The following PCDH9 variants were observed in gnomAD, a reference collection of about 807,000 sequenced individuals.
PCDH9 encodes the protein protocadherin-9.
Under a neutral mutation model 70.6 loss-of-function variants are expected in PCDH9, and 24 were observed. That is an observed-to-expected ratio of 0.34 (90% CI 0.25 to 0.48). The LOEUF is 0.48. Ranked by LOEUF, PCDH9 falls within the 20% of genes least tolerant of loss-of-function variation. The pLI is 0.99. For synonymous variants in PCDH9, 562 were observed against 558.5 expected, an observed-to-expected ratio of 1.01 and a Z score of -0.09; for missense variants, 1,281 against 1,503.6, an observed-to-expected ratio of 0.85 and a Z score of 2.45.
intron 3 of PCDH9, among the ~76,000 whole-genome samples, chr13:66,792,062 A>G (rs565230449): frequency 4.6e-5 from 7 of 152,334 alleles, no homozygotes; most frequent in African/African-American, 1.7e-4. Flanking sequence ...ATTTCAATTC[A>G]CGAAATTCCA....
chr13:66,545,666 G>T (rs1961153937), intron 4 of PCDH9, among the ~76,000 whole-genome samples: 2 of 152,050 alleles, frequency 1.3e-5, no homozygotes. Context: ...TGTTTGTGAT[G>T]ATGTTGGCGT....
At chr13:66,499,272 T>C (rs1379272574) in intron 4 of PCDH9, among the ~76,000 whole-genome samples, 1 of 152,134 alleles carries the variant, frequency 6.6e-6, no homozygotes, top group African/African-American at 2.4e-5. Context: ...CTTTCCTTTA[T>C]ATTAAATCTT....
chr13:66,591,806 A>AG (rs1295510128), intron 4 of PCDH9, among the ~76,000 whole-genome samples: 4 of 151,472 alleles, frequency 2.6e-5, no homozygotes, highest in African/African-American at 4.8e-5. Context: ...GCAGGTTGGG[A>AG]GGGGGGGCTC....
chr13:66,881,361 T>C (rs764788405), intron 3 of PCDH9, among the ~76,000 whole-genome samples: 1 of 152,180 alleles, frequency 6.6e-6, no homozygotes, highest in Non-Finnish European at 1.5e-5. Context: ...AGTCACATCT[T>C]ACATGGATGG....
chr13:66,899,137 G>A (rs1255665446), intron 3 of PCDH9, among the ~76,000 whole-genome samples: 1 of 151,942 alleles, frequency 6.6e-6, no homozygotes, highest in Non-Finnish European at 1.5e-5. Context: ...TGAAACCAAT[G>A]GTTATTTCAC....
chr13:67,030,827 G>A (rs531819807), intron 2 of PCDH9, among the ~76,000 whole-genome samples: 16 of 152,162 alleles, frequency 1.1e-4, no homozygotes, highest in African/African-American at 3.9e-4. Flanking sequence ...TGACTATAAA[G>A]TAAAAAGTAG....
chr13:66,454,993 T>TA (rs1481574071), intron 4 of PCDH9, among the ~76,000 whole-genome samples: 2 of 151,994 alleles, frequency 1.3e-5, no homozygotes, highest in South Asian at 2.1e-4. Context: ...AAGCATTTTA[T>TA]AAAAAAAATT....
intron 4 of PCDH9, among the ~76,000 whole-genome samples, chr13:66,547,396 T>C (rs186624131): frequency 6.6e-5 from 10 of 152,332 alleles, no homozygotes; most frequent in African/African-American, 2.4e-4. Flanking sequence ...CAACAGAGTC[T>C]ATAAGGCAAT....
chr13:66,979,303 A>G lies in PCDH9; in HGVS notation c.3037-75698T>C, dbSNP rs149631776. Reference sequence around the variant, plus strand: ...ACTGAATGCCCTTGTATAAATTCCAATGAAACCTTGCATCACATTTCATTG... The same window carrying G: ...ACTGAATGCCCTTGTATAAATTCCAGTGAAACCTTGCATCACATTTCATTG... On this transcript the variant is annotated intron_variant, in intron 2 of 4. Transcript: ENST00000377865. Among the ~76,000 whole-genome samples the G allele has an allele frequency of 5.6e-3, 848 of 152,286 alleles. 7 individuals carry two copies. The highest frequency in any genetic ancestry group is 9.2e-3 in the Admixed American group (141 of 15,278).
At chr13:66,458,554 T>G (rs1025973038) in intron 4 of PCDH9, among the ~76,000 whole-genome samples, 1 of 151,996 alleles carries the variant, frequency 6.6e-6, no homozygotes, top group African/African-American at 2.4e-5. Context: ...TCTCTCTCCA[T>G]CCTTTCCAAA....
chr13:66,980,742 G>GTTTTTTTTTTTTTTTT (rs550869529), intron 2 of PCDH9, among the ~76,000 whole-genome samples: 6 of 107,372 alleles, frequency 5.6e-5, no homozygotes, highest in Non-Finnish European at 7.3e-5. Flanking sequence ...TTTTTTTTTT[G>GTTTTTTTTTTTTTTTT]TTTTTTTTTT....
chr13:66,935,266 G>A (rs1286972516), intron 2 of PCDH9, among the ~76,000 whole-genome samples: 3 of 151,936 alleles, frequency 2.0e-5, no homozygotes, highest in African/African-American at 7.3e-5. Flanking sequence ...GTTTGGCCTA[G>A]GCAGGTCTTG....
chr13:66,594,843 A>G (rs1469046895), intron 4 of PCDH9, among the ~76,000 whole-genome samples: 1 of 151,670 alleles, frequency 6.6e-6, no homozygotes, highest in Non-Finnish European at 1.5e-5. Flanking sequence ...GTTCCTTTTT[A>G]TGGCTGCATA....
At chr13:66,441,778 G>A (rs912875950) in intron 4 of PCDH9, among the ~76,000 whole-genome samples, 2 of 151,844 alleles carry the variant, frequency 1.3e-5, no homozygotes, top group African/African-American at 4.8e-5. Context: ...ATAATTCTTG[G>A]TTAATAAAGA....
chr13:66,491,385 T>TTGTGTGTGTGTGTGTGTG (rs71106974), intron 4 of PCDH9, among the ~76,000 whole-genome samples: 17,204 of 135,718 alleles, frequency 0.13, 1,477 homozygotes, highest in East Asian at 0.23. Context: ...GCAGGAGATA[T>TTGTGTGTGTGTGTGTGTG]TGTGTGTGTG....
intron 4 of PCDH9, among the ~76,000 whole-genome samples, chr13:66,538,012 A>G (rs886228786): frequency 6.6e-6 from 1 of 152,136 alleles, no homozygotes; most frequent in African/African-American, 2.4e-5. Flanking sequence ...ACAGGAAAAC[A>G]AAAAGGTAAA....
intron 3 of PCDH9, among the ~76,000 whole-genome samples, chr13:66,801,285 G>A (rs1400446269): frequency 1.3e-5 from 2 of 152,014 alleles, no homozygotes; most frequent in Non-Finnish European, 2.9e-5. Context: ...CTAGAACTAC[G>A]TGTAAAATGT....
chr13:66,484,747 T>C (rs1362906284), intron 4 of PCDH9, among the ~76,000 whole-genome samples: 1 of 152,182 alleles, frequency 6.6e-6, no homozygotes, highest in Non-Finnish European at 1.5e-5. Flanking sequence ...AATTCTTATG[T>C]GACTGGATTC....
chr13:67,176,842 T>C (rs753240422), intron 2 of PCDH9, among the ~76,000 whole-genome samples: 5 of 152,118 alleles, frequency 3.3e-5, no homozygotes, highest in Non-Finnish European at 7.4e-5. Context: ...CTTTCATTTA[T>C]CTAATATAAT....
Sources: allele counts gnomAD v4.1 joint callset (sites outside exome capture counted in the v4.1 genomes callset), GRCh38; gene constraint gnomAD v4.1.1; transcripts MANE v1.5; gene names NCBI Gene and HGNC (gene_info 2026-07-23, HGNC 2026-07-21).